The following SORBS2 variants were observed in gnomAD, a reference collection of about 807,000 sequenced individuals.
The protein encoded by SORBS2 is sorbin and SH3 domain containing 2.
A neutral mutation model predicts 97.7 loss-of-function variants in SORBS2; 46 were observed. The observed-to-expected ratio is 0.47, with a 90% CI of 0.37 to 0.60. The LOEUF (loss-of-function observed/expected upper bound fraction) is 0.60, where lower values mean the gene tolerates loss of function less well. Ranked by LOEUF, SORBS2 falls within the 20% of genes least tolerant of loss-of-function variation. The pLI is 0.00. For missense variants in SORBS2, 1,316 were observed against 1,282.3 expected (o/e 1.03, Z -0.40); for synonymous variants, 476 against 473.4 (o/e 1.01, Z -0.07).
At chr4:185,861,447 T>C (rs2648125) in intron 1 of SORBS2, among the ~76,000 whole-genome samples, 1 of 151,474 alleles carries the variant, frequency 6.6e-6, no homozygotes, top group Non-Finnish European at 1.5e-5. Flanking sequence ...GAAGCTAGTG[T>C]AGGTGGGAGG....
At chr4:185,765,840 T>G (rs1007992047) in intron 2 of SORBS2, among the ~76,000 whole-genome samples, 17 of 152,202 alleles carry the variant, frequency 1.1e-4, no homozygotes, top group African/African-American at 3.9e-4. Context: ...CGGCTTTTCA[T>G]TTTTACTTGT....
At chr4:185,601,684 C>A (rs1250927026) in intron 12 of SORBS2, among the ~76,000 whole-genome samples, 3 of 150,608 alleles carry the variant, frequency 2.0e-5, no homozygotes, top group Non-Finnish European at 4.4e-5. Context: ...CATATCAGAG[C>A]TCTTAGAGAA....
In SORBS2 at chr4:185,848,618, C is replaced by CT. The variant is rs537195530; in HGVS notation, c.-337-73253dup. 5.7e-4 allele frequency among the ~76,000 whole-genome samples: 43 copies of CT among 75,636 alleles called. 2 individuals carry two copies. The highest frequency in any genetic ancestry group is 1.5e-3 in the African/African-American group (25 of 17,240). The allele number at this position is 75,636 out of a possible 152,430, so 49.6% of individuals were successfully genotyped here. ...TTAAATGTTCTTTATAAGGATATCT[C>CT]TTTTTTTTTTTTTTTTTTTTTTTTT... On this transcript the variant is annotated intron_variant, in intron 1 of 20. Transcript: ENST00000284776.
intron 1 of SORBS2, among the ~76,000 whole-genome samples, chr4:185,656,247 A>G (rs2097398682): frequency 6.6e-6 from 1 of 152,118 alleles, no homozygotes; most frequent in Non-Finnish European, 1.5e-5. Context: ...AGAGTCTAAA[A>G]CCCCAGTAAC....
intron 2 of SORBS2, among the ~76,000 whole-genome samples, chr4:185,726,888 G>A (rs1006914347): frequency 2.0e-5 from 3 of 152,122 alleles, no homozygotes; most frequent in African/African-American, 7.2e-5. Context: ...GCACATTTGG[G>A]CATGCATCTT....
intron 1 of SORBS2, among the ~76,000 whole-genome samples, chr4:185,783,459 C>T (rs912244468): frequency 2.6e-5 from 4 of 152,154 alleles, no homozygotes; most frequent in Non-Finnish European, 4.4e-5. Flanking sequence ...TGTTAGCAAC[C>T]TCATTGGTTT....
At chr4:185,678,506 C>T (rs915676665) in exon 4 of SORBS2, 28 of 1,550,000 alleles carry the variant, frequency 1.8e-5, no homozygotes, top group Middle Eastern at 1.7e-4. Context: ...GTAGCATCTC[C>T]GTTCAGTGTC....
intron 2 of SORBS2, among the ~76,000 whole-genome samples, chr4:185,698,332 C>T (rs574290966): frequency 2.0e-5 from 3 of 152,058 alleles, no homozygotes; most frequent in East Asian, 1.9e-4. Context: ...AAAAATTAGC[C>T]GGGCATGGTG....
intron 1 of SORBS2, among the ~76,000 whole-genome samples, chr4:185,826,908 G>A (rs1205033065): frequency 6.6e-6 from 1 of 152,176 alleles, no homozygotes; most frequent in East Asian, 1.9e-4. Context: ...AAACTATTAT[G>A]AGGATCAAAT....
intron 1 of SORBS2, among the ~76,000 whole-genome samples, chr4:185,943,682 C>T (rs925795761): frequency 5.9e-5 from 9 of 151,946 alleles, no homozygotes; most frequent in Non-Finnish European, 1.3e-4. Context: ...GGTTGAAGAA[C>T]AAAAGAATAA....
chr4:185,667,462 C>T (rs1310773401), intron 4 of SORBS2, among the ~76,000 whole-genome samples: 1 of 151,812 alleles, frequency 6.6e-6, no homozygotes, highest in African/African-American at 2.4e-5. Flanking sequence ...ATCATAGATC[C>T]CTTAGAAATC....
intron 4 of SORBS2, among the ~76,000 whole-genome samples, chr4:185,664,596 A>C (rs1481851189): frequency 6.6e-6 from 1 of 152,222 alleles, no homozygotes; most frequent in Admixed American, 6.5e-5. Context: ...TAGGCCTGGA[A>C]AATGAGGCTC....
At chr4:185,666,162 A>G (rs1415878937) in intron 4 of SORBS2, 2 of 1,289,890 alleles carry the variant, frequency 1.6e-6, no homozygotes, top group Admixed American at 2.3e-5. Context: ...GTGTCTGTGA[A>G]GCATTTACCT....
At chr4:185,887,427 G>A (rs13110782) in intron 1 of SORBS2, among the ~76,000 whole-genome samples, 56,860 of 152,022 alleles carry the variant, frequency 0.37, 11,184 homozygotes, top group East Asian at 0.55. Flanking sequence ...TAAGAACCAC[G>A]CTGTGGCTTC....
At chr4:185,710,970 TA>T (rs2098414904) in intron 2 of SORBS2, among the ~76,000 whole-genome samples, 1 of 148,012 alleles carries the variant, frequency 6.8e-6, no homozygotes, top group African/African-American at 2.4e-5. Flanking sequence ...AACTTTATTT[TA>T]TTTTTTATTT....
chr4:185,624,157 C>T, exon 7 of SORBS2: 6 of 1,614,246 alleles, frequency 3.7e-6, no homozygotes, highest in Non-Finnish European at 5.1e-6. Context: ...ACCCCCACGC[C>T]ATGGGGCAGC....
At chr4:185,775,150 T>G (rs1267695149) in intron 2 of SORBS2, 77 bp downstream of exon 2, 1 of 152,580 alleles carries the variant, frequency 6.6e-6, no homozygotes, top group African/African-American at 2.4e-5. Context: ...ATTTTCACTA[T>G]AAGTAAGTTA....
chr4:185,673,454 C>T (rs2097749329), intron 4 of SORBS2, among the ~76,000 whole-genome samples: 1 of 152,014 alleles, frequency 6.6e-6, no homozygotes. Context: ...CTTTTACCTA[C>T]CAGTAAAAAA....
At position 185,932,729 on chromosome 4, in the gene SORBS2, GC is replaced by G. The variant is rs869226810; in HGVS notation, c.-338+23466del. On this transcript the variant is annotated intron_variant, in intron 1 of 20. Coordinates refer to the SORBS2 transcript ENST00000284776. ...GCAGGGCCTGGCCTAAAGCGGATGA[GC>G]CCCCCTGGGGCTCGGTTGCCCTGGC... 3.7e-5 allele frequency among the ~76,000 whole-genome samples: 5 copies of G among 133,588 alleles called. No individual in the cohort carries two copies. The East Asian group carries it at 8.2e-4, about 22-fold the overall frequency. The allele number at this position is 133,588 out of a possible 152,430, so 87.6% of individuals were successfully genotyped here.
Sources: gnomAD v4.1 joint callset for allele counts (sites outside exome capture counted in the v4.1 genomes callset) on GRCh38, gnomAD v4.1.1 for gene constraint, MANE v1.5 for transcripts, NCBI Gene and HGNC (gene_info 2026-07-23, HGNC 2026-07-21) for gene names.